The following GPHN variants were observed in gnomAD, a reference collection of about 807,000 sequenced individuals.
GPHN encodes gephyrin.
In GPHN, 17 loss-of-function variants were observed where a neutral mutation model predicts 95.5. The observed-to-expected ratio is 0.18, with a 90% CI of 0.12 to 0.27. GPHN has a LOEUF of 0.27. Ranked by LOEUF, GPHN falls within the 10% of genes least tolerant of loss-of-function variation. The pLI is 1.00. For missense variants in GPHN, 660 were observed against 978.1 expected (o/e 0.67, Z 4.34); for synonymous variants, 320 against 322.5 (o/e 0.99, Z 0.08).
At chr14:67,307,980 A>T in the GPHN span, among the ~76,000 whole-genome samples, 1 of 152,288 alleles carries the variant, frequency 6.6e-6, no homozygotes, top group South Asian at 2.1e-4. Context: ...TAACACAGGA[A>T]CAGAAAACCA....
the GPHN span, among the ~76,000 whole-genome samples, chr14:67,482,066 G>A: frequency 6.6e-6 from 1 of 152,214 alleles, no homozygotes; most frequent in Non-Finnish European, 1.5e-5. Flanking sequence ...CCTCATACCT[G>A]ATGAAAGGGC....
At chr14:67,400,321 A>C in the GPHN span, among the ~76,000 whole-genome samples, 1 of 152,224 alleles carries the variant, frequency 6.6e-6, no homozygotes, top group Non-Finnish European at 1.5e-5. Flanking sequence ...AGTCCAGTGG[A>C]ATTGCACATT....
chr14:67,530,700 CA>C, the GPHN span, among the ~76,000 whole-genome samples: 1 of 152,140 alleles, frequency 6.6e-6, no homozygotes, highest in African/African-American at 2.4e-5. Context: ...AAGCAGTTTT[CA>C]AAACATGGAG....
intron 5 of GPHN, among the ~76,000 whole-genome samples, chr14:66,910,035 A>C (rs192227404): frequency 6.6e-6 from 1 of 151,954 alleles, no homozygotes; most frequent in Admixed American, 6.6e-5. Flanking sequence ...TTTCATCAAA[A>C]TGGATTTAAT....
chr14:66,844,577 T>G (rs2062238331), intron 4 of GPHN, among the ~76,000 whole-genome samples: 1 of 152,122 alleles, frequency 6.6e-6, no homozygotes, highest in Non-Finnish European at 1.5e-5. Flanking sequence ...TACAAAAAAA[T>G]CTAAAGAGGT....
intron 8 of GPHN, among the ~76,000 whole-genome samples, chr14:66,940,263 T>G (rs1206251443): frequency 1.3e-5 from 2 of 152,096 alleles, no homozygotes; most frequent in African/African-American, 4.8e-5. Context: ...TGTTGTTGTT[T>G]TTTTTCAGAG....
the GPHN span, among the ~76,000 whole-genome samples, chr14:67,248,952 G>A: frequency 4.6e-5 from 7 of 151,818 alleles, no homozygotes; most frequent in Admixed American, 2.6e-4. Flanking sequence ...GAGCCACCAC[G>A]CCTGGCCTAC....
chr14:67,684,295 G>A, the GPHN span, among the ~76,000 whole-genome samples: 6 of 152,024 alleles, frequency 3.9e-5, no homozygotes, highest in African/African-American at 1.5e-4. Context: ...CTGAAGTAGA[G>A]GTAAAAACAT....
At chr14:66,892,706 G>C (rs2064582013) in intron 5 of GPHN, among the ~76,000 whole-genome samples, 1 of 152,118 alleles carries the variant, frequency 6.6e-6, no homozygotes, top group African/African-American at 2.4e-5. Flanking sequence ...GAAGTATCTA[G>C]AATAACCAAA....
intron 21 of GPHN, among the ~76,000 whole-genome samples, chr14:67,175,066 A>G (rs2082852441): frequency 6.6e-6 from 1 of 152,070 alleles, no homozygotes; most frequent in African/African-American, 2.4e-5. Context: ...TGCTGTGTAG[A>G]AGCTCTTTAG....
At chr14:67,589,948 C>G in the GPHN span, 15 of 1,348,178 alleles carry the variant, frequency 1.1e-5, no homozygotes, top group African/African-American at 3.0e-5. Flanking sequence ...CTCTATGGCT[C>G]TAAGATGCAC....
the GPHN span, among the ~76,000 whole-genome samples, chr14:67,440,829 C>A: frequency 6.6e-6 from 1 of 152,148 alleles, no homozygotes; most frequent in Admixed American, 6.5e-5. Context: ...ACACACTGAG[C>A]AAATGGGCTC....
At chr14:67,422,661 G>A in the GPHN span, among the ~76,000 whole-genome samples, 6 of 152,122 alleles carry the variant, frequency 3.9e-5, no homozygotes, top group Non-Finnish European at 7.3e-5. Flanking sequence ...CTCATACATG[G>A]AAGAAAATGC....
At chr14:67,607,612 G>C in the GPHN span, among the ~76,000 whole-genome samples, 1 of 151,802 alleles carries the variant, frequency 6.6e-6, no homozygotes, top group Admixed American at 6.6e-5. Context: ...TGATCTGCCC[G>C]CCTCGGCCTC....
At chr14:66,967,950 TCA>T (rs2069464675) in intron 9 of GPHN, among the ~76,000 whole-genome samples, 1 of 151,902 alleles carries the variant, frequency 6.6e-6, no homozygotes, top group Non-Finnish European at 1.5e-5. Context: ...AAGGCAGGTG[TCA>T]CCAATCAAGA....
chr14:67,124,331 G>T (rs779886742), intron 17 of GPHN, among the ~76,000 whole-genome samples: 1 of 152,092 alleles, frequency 6.6e-6, no homozygotes, highest in Non-Finnish European at 1.5e-5. Context: ...ACTTGAACCC[G>T]GGAGGTGGAG....
At chr14:67,350,518 G>A in the GPHN span, 17 of 1,095,066 alleles carry the variant, frequency 1.6e-5, no homozygotes, top group South Asian at 9.9e-5. Context: ...TGTCCTTAAC[G>A]CTTATTTCTA....
chr14:67,054,051 C>G (rs1487225715), intron 10 of GPHN, among the ~76,000 whole-genome samples: 1 of 152,142 alleles, frequency 6.6e-6, no homozygotes, highest in East Asian at 1.9e-4. Context: ...AAAATCAGCA[C>G]AAGACAAGGA....
At chr14:66,971,214 G>A (rs772658146) in intron 9 of GPHN, among the ~76,000 whole-genome samples, 6 of 152,166 alleles carry the variant, frequency 3.9e-5, no homozygotes, top group African/African-American at 1.4e-4. Context: ...TGTAATCCCA[G>A]GTACTCAGGA....
Sources: allele counts gnomAD v4.1 joint callset (sites outside exome capture counted in the v4.1 genomes callset), GRCh38; gene constraint gnomAD v4.1.1; transcripts MANE v1.5; gene names NCBI Gene and HGNC (gene_info 2026-07-23, HGNC 2026-07-21).